The following EPS15L1 variants were observed in gnomAD, a reference collection of about 807,000 sequenced individuals.
EPS15L1 encodes epidermal growth factor receptor substrate 15-like 1.
EPS15L1 carries 43 observed loss-of-function variants against 117.1 expected under a neutral mutation model. The ratio of observed to expected loss-of-function variants is 0.37; its 90% CI spans 0.29 to 0.47. EPS15L1 has a LOEUF of 0.47. Among genes scored for constraint, EPS15L1 ranks in the 20% least tolerant of loss-of-function variants. The pLI is 0.99. For missense variants in EPS15L1, 981 were observed against 1,164.0 expected (o/e 0.84, Z 2.29); for synonymous variants, 459 against 470.5 (o/e 0.98, Z 0.32).
At chr19:16,463,692 G>T (rs2093274474) in intron 1 of EPS15L1, among the ~76,000 whole-genome samples, 1 of 152,192 alleles carries the variant, frequency 6.6e-6, no homozygotes, top group South Asian at 2.1e-4. Flanking sequence ...ACCTAGTCTA[G>T]GTGGTTGGGG....
At chr19:16,393,372 G>C (rs370780807) in intron 18 of EPS15L1, among the ~76,000 whole-genome samples, 5 of 152,050 alleles carry the variant, frequency 3.3e-5, no homozygotes, top group East Asian at 3.9e-4. Context: ...AATCGGTCGG[G>C]CATGGTGGCT....
At position 16,390,561 on chromosome 19, in the gene EPS15L1, T is replaced by C. The variant is rs1175630054; in HGVS notation, c.2103+1743A>G. ...CAACTAGATACACATTCTTCTCAAG[T>C]GTACATGGTTTGTTCACCAACATAG... On this transcript the variant is annotated intron_variant, in intron 19 of 23. Coordinates refer to ENST00000455140, the MANE Select transcript of EPS15L1 (RefSeq NM_001258374.3). 5.3e-5 allele frequency among the ~76,000 whole-genome samples: 8 copies of C among 152,180 alleles called. No homozygotes were observed. In the South Asian group the frequency reaches 1.7e-3, roughly 31 times the overall value.
At chr19:16,455,497 G>A (rs1250279945) in intron 1 of EPS15L1, among the ~76,000 whole-genome samples, 1 of 152,220 alleles carries the variant, frequency 6.6e-6, no homozygotes, top group Admixed American at 6.5e-5. Context: ...CTGCCCTGTG[G>A]AGGATGCAGG....
chr19:16,377,799 C>T (rs1473395641), intron 21 of EPS15L1, among the ~76,000 whole-genome samples: 1 of 152,196 alleles, frequency 6.6e-6, no homozygotes, highest in Non-Finnish European at 1.5e-5. Context: ...ACATGCAGCA[C>T]CTCAGGTGGA....
At chr19:16,416,570 G>C (rs907008798) in intron 12 of EPS15L1, among the ~76,000 whole-genome samples, 1 of 151,848 alleles carries the variant, frequency 6.6e-6, no homozygotes, top group Non-Finnish European at 1.5e-5. Context: ...CCAGGAGGCA[G>C]AGGCTGCAGT....
intron 22 of EPS15L1, among the ~76,000 whole-genome samples, chr19:16,367,525 A>AC (rs1238949250): frequency 1.3e-5 from 2 of 149,464 alleles, no homozygotes; most frequent in Non-Finnish European, 3.0e-5. Context: ...AAAAAAAAAA[A>AC]ACTTGGTGGC....
At chr19:16,469,079 T>C (rs531767663) in intron 1 of EPS15L1, among the ~76,000 whole-genome samples, 4 of 151,628 alleles carry the variant, frequency 2.6e-5, no homozygotes, top group African/African-American at 4.9e-5. Context: ...AGTGGGCAAG[T>C]AGGAAGTAGA....
intron 22 of EPS15L1, among the ~76,000 whole-genome samples, chr19:16,374,610 A>G (rs1229100280): frequency 6.6e-6 from 1 of 152,196 alleles, no homozygotes; most frequent in Non-Finnish European, 1.5e-5. Flanking sequence ...TAACTGAGGG[A>G]AAGTTCAAAA....
In EPS15L1 at chr19:16,417,033, T is replaced by C. The variant is rs535619669; in HGVS notation, c.1193+519A>G. Among the ~76,000 whole-genome samples, 14 of 152,330 alleles carry C rather than the reference T, an allele frequency of 9.2e-5. No individual in the cohort carries two copies. The East Asian group carries it at 1.2e-3, about 13-fold the overall frequency. ...CCGCTCCTCGCCATCTGAGACCCAATTGCCCTAGCTGTCAAGGATAACAAG... is the reference window on the plus strand; with the variant it reads ...CCGCTCCTCGCCATCTGAGACCCAACTGCCCTAGCTGTCAAGGATAACAAG... On this transcript the variant is annotated intron_variant, in intron 12 of 23. Transcript: ENST00000455140.
intron 22 of EPS15L1, among the ~76,000 whole-genome samples, chr19:16,369,901 G>A (rs1267341042): frequency 6.6e-6 from 1 of 152,214 alleles, no homozygotes; most frequent in Non-Finnish European, 1.5e-5. Flanking sequence ...GGATTTCCAG[G>A]GAGAGATGCT....
rs1156306242 is a variant in EPS15L1, at chr19:16,405,508, T to C, written c.1267-759A>G. ...GATTCCACTTCCAAGAAAAGCATCC[T>C]GGAAGCATACAGCGTGTGCAGAGGT... On this transcript the variant is annotated intron_variant, in intron 13 of 23. Coordinates refer to ENST00000455140, the MANE Select transcript of EPS15L1 (RefSeq NM_001258374.3). This position sits in a 1 kb window ranked among gnomAD's most constrained non-coding sequence, Gnocchi z 4.0. Among the ~76,000 whole-genome samples the C allele has an allele frequency of 6.6e-6, 1 of 152,210 alleles. No homozygotes were observed. The highest frequency in any genetic ancestry group is 1.5e-5 in the Non-Finnish European group (1 of 68,028).
At position 16,383,375 on chromosome 19, in the gene EPS15L1, C is replaced by G. The variant is rs1276532153; in HGVS notation, c.2247+1754G>C. ...CACAGTGAGAGGAGGAAGACAGATC[C>G]AGCCTCCCAAAGGAAGAGGAGTCCA... is the stretch of plus-strand genomic sequence containing the variant. On this transcript the variant is annotated intron_variant, in intron 21 of 23. Transcript: ENST00000455140. This position sits in a 1 kb window ranked among gnomAD's most constrained non-coding sequence, Gnocchi z 5.2. The G allele has an allele frequency of 6.6e-6, 1 of 152,196 alleles. No homozygotes were observed. Among genetic ancestry groups the G allele is most frequent in the African/African-American group, 2.4e-5 (1 of 41,434 alleles). 9.4% of individuals were successfully genotyped at this position (152,196 alleles called of 1,614,324 possible).
rs970560199 is a variant in EPS15L1, at chr19:16,419,950, G to A, written c.950+1369C>T. Among the ~76,000 whole-genome samples the A allele has an allele frequency of 2.0e-5, 3 of 152,238 alleles. 1 individual carries two copies. The South Asian group carries it at 6.2e-4, about 31-fold the overall frequency. The stretch of plus-strand genomic sequence containing the variant: ...AAGGTTCTGAGAGAAAGAAGGAGAA[G>A]CAAGCTTAGGGGTGGCTCAGTCAGC... On this transcript the variant is annotated intron_variant, in intron 10 of 23. Transcript: ENST00000455140.
At chr19:16,413,021 T>C in intron 13 of EPS15L1, 2 of 735,688 alleles carry the variant, frequency 2.7e-6, no homozygotes, top group Non-Finnish European at 2.4e-6. Flanking sequence ...TTTTGAAGAT[T>C]ATGCCAGTGC....
At chr19:16,450,459 C>T (rs1387328622) in intron 1 of EPS15L1, among the ~76,000 whole-genome samples, 2 of 151,682 alleles carry the variant, frequency 1.3e-5, no homozygotes, top group African/African-American at 2.4e-5. Context: ...GGCCGTGAGC[C>T]CCAGGCATGT....
At chr19:16,468,121 G>GA (rs2093319509) in intron 1 of EPS15L1, among the ~76,000 whole-genome samples, 1 of 152,148 alleles carries the variant, frequency 6.6e-6, no homozygotes, top group Non-Finnish European at 1.5e-5. Context: ...AGGTACAAGG[G>GA]AGAGAACTCT....
chr19:16,460,542 C>A (rs991212113), intron 1 of EPS15L1, among the ~76,000 whole-genome samples: 1 of 152,198 alleles, frequency 6.6e-6, no homozygotes, highest in Admixed American at 6.5e-5. Flanking sequence ...AAAATGCCAA[C>A]TCCATGGCCT....
intron 13 of EPS15L1, chr19:16,413,155 C>A: frequency 1.5e-6 from 1 of 663,250 alleles, no homozygotes; most frequent in East Asian, 3.0e-5. Flanking sequence ...ATCCGCAGGG[C>A]CATCATACTG....
intron 8 of EPS15L1, among the ~76,000 whole-genome samples, chr19:16,427,698 C>T (rs2092885518): frequency 6.6e-6 from 1 of 151,402 alleles, no homozygotes; most frequent in Admixed American, 6.6e-5. Context: ...TCAAGACCAG[C>T]CTGGCCAATA....
Sources: gnomAD v4.1 joint callset for allele counts (sites outside exome capture counted in the v4.1 genomes callset) on GRCh38, gnomAD v4.1.1 for gene constraint, Gnocchi (gnomAD v3.1) non-coding constraint, MANE v1.5 for transcripts, NCBI Gene and HGNC (gene_info 2026-07-23, HGNC 2026-07-21) for gene names.